GRM7: variants seen among roughly 807,000 people sequenced by gnomAD.
GRM7 encodes glutamate metabotropic receptor 7, also known as metabotropic glutamate receptor 7.
In GRM7, 35 loss-of-function variants were observed where a neutral mutation model predicts 84.5. The observed-to-expected ratio is 0.41, with a 90% confidence interval of 0.32 to 0.55. The LOEUF is 0.55. GRM7 is among the 20% of genes least tolerant of loss of function. The probability of loss-of-function intolerance (pLI) is 0.19; values close to 1 mark genes in which losing one functional copy is unlikely to be tolerated. For missense variants in GRM7, 1,003 were observed against 1,194.6 expected (o/e 0.84, Z 2.36); for synonymous variants, 487 against 455.1 (o/e 1.07, Z -0.89).
chr3:7,581,470 CA>C lies in GRM7; in HGVS notation c.2451+2114del, dbSNP rs751655148. 3.9e-5 allele frequency among the ~76,000 whole-genome samples: 6 copies of C among 152,268 alleles called. No homozygotes were observed. The East Asian group carries it at 1.2e-3, about 29-fold the overall frequency. ...AACAGTAAATTATTACATGAAAATG[CA>C]CATCCACTTATAGGCATATGGCTAG... On this transcript the variant is annotated intron_variant, in intron 8 of 9. Transcript: ENST00000357716.
intron 1 of GRM7, among the ~76,000 whole-genome samples, chr3:6,992,094 G>C (rs2124857610): frequency 6.6e-6 from 1 of 152,346 alleles, no homozygotes; most frequent in African/African-American, 2.4e-5. Flanking sequence ...GAAAGAGAAA[G>C]AGAGGATGAG....
chr3:7,734,537 A>T (rs925859686), intron 9 of GRM7, among the ~76,000 whole-genome samples: 1 of 152,208 alleles, frequency 6.6e-6, no homozygotes, highest in Non-Finnish European at 1.5e-5. Flanking sequence ...AGTCAACAGA[A>T]ATCCAGATTT....
chr3:7,523,386 A>C (rs1032605219), intron 7 of GRM7, among the ~76,000 whole-genome samples: 29 of 152,110 alleles, frequency 1.9e-4, no homozygotes, highest in Non-Finnish European at 3.8e-4. Context: ...TAACAAACGG[A>C]ACCTACAAGA....
At chr3:7,379,813 A>T (rs1246680132) in intron 4 of GRM7, among the ~76,000 whole-genome samples, 2 of 151,996 alleles carry the variant, frequency 1.3e-5, no homozygotes, top group Non-Finnish European at 2.9e-5. Flanking sequence ...CCTTCTTGCC[A>T]TCTGTATTTT....
chr3:7,596,778 A>C (rs1027863677), intron 8 of GRM7, among the ~76,000 whole-genome samples: 3 of 152,112 alleles, frequency 2.0e-5, no homozygotes, highest in Admixed American at 1.3e-4. Flanking sequence ...AGCTTCTGTG[A>C]GCATAATAAA....
rs992033491 is a variant in GRM7, at chr3:7,619,843, A to T, written c.2451+40486A>T. ...CTTTTGTGCCTTCTATTCTAAGTTC[A>T]CCTTCCTCAGTAGTCATGGGATCTG... is the stretch of plus-strand genomic sequence containing the variant. On this transcript the variant is annotated intron_variant, in intron 8 of 9. Coordinates refer to ENST00000357716, the MANE Select transcript of GRM7 (RefSeq NM_000844.4). 2.0e-5 allele frequency among the ~76,000 whole-genome samples: 3 copies of T among 152,242 alleles called. No individual in the cohort carries two copies. The South Asian group carries it at 6.2e-4, about 32-fold the overall frequency.
At chr3:7,377,636 G>A (rs1694408462) in intron 4 of GRM7, among the ~76,000 whole-genome samples, 1 of 152,172 alleles carries the variant, frequency 6.6e-6, no homozygotes, top group South Asian at 2.1e-4. Context: ...GGTGACCTCA[G>A]ATGTTGATAT....
intron 2 of GRM7, among the ~76,000 whole-genome samples, chr3:7,257,695 G>T (rs1272886590): frequency 6.6e-6 from 1 of 152,110 alleles, no homozygotes; most frequent in Non-Finnish European, 1.5e-5. Context: ...AATAATTACT[G>T]CTTTTGCTAC....
intron 7 of GRM7, among the ~76,000 whole-genome samples, chr3:7,506,964 A>G (rs774306473): frequency 2.7e-4 from 41 of 152,090 alleles, no homozygotes; most frequent in Non-Finnish European, 3.5e-4. Flanking sequence ...CACACCTACC[A>G]TCTTTTATCA....
At chr3:7,547,900 T>C (rs1043291853) in intron 7 of GRM7, among the ~76,000 whole-genome samples, 2 of 152,240 alleles carry the variant, frequency 1.3e-5, no homozygotes, top group African/African-American at 4.8e-5. Context: ...TTTCACTAAC[T>C]GGAGATCCTT....
At chr3:7,106,301 T>C (rs1400390364) in intron 1 of GRM7, among the ~76,000 whole-genome samples, 1 of 151,870 alleles carries the variant, frequency 6.6e-6, no homozygotes, top group Non-Finnish European at 1.5e-5. Context: ...CTTTAAGTTC[T>C]AGGGTACATG....
intron 4 of GRM7, among the ~76,000 whole-genome samples, chr3:7,387,135 A>C (rs1449339697): frequency 6.6e-6 from 1 of 151,904 alleles, no homozygotes; most frequent in Non-Finnish European, 1.5e-5. Context: ...TTTAATGGTT[A>C]TTTGTTTTTT....
chr3:7,041,070 A>G (rs146246040), intron 1 of GRM7, among the ~76,000 whole-genome samples: 4,132 of 141,806 alleles, frequency 0.029, 100 homozygotes, highest in Non-Finnish European at 0.046. Context: ...ACAGAGTGAG[A>G]CCCTGTCTCA....
At chr3:7,717,316 A>T (rs1701799098) in intron 9 of GRM7, among the ~76,000 whole-genome samples, 1 of 152,170 alleles carries the variant, frequency 6.6e-6, no homozygotes, top group African/African-American at 2.4e-5. Context: ...AGTAGACAGA[A>T]CCACAGCACA....
intron 1 of GRM7, among the ~76,000 whole-genome samples, chr3:7,043,266 G>T (rs1696695211): frequency 6.6e-6 from 1 of 152,168 alleles, no homozygotes; most frequent in African/African-American, 2.4e-5. Flanking sequence ...AAAATCTTCA[G>T]AGTTCTCTCT....
intron 4 of GRM7, among the ~76,000 whole-genome samples, chr3:7,353,381 G>A (rs890403718): frequency 9.2e-5 from 14 of 152,080 alleles, no homozygotes; most frequent in African/African-American, 3.1e-4. Context: ...CAGGCTAAAT[G>A]TATTGATATG....
chr3:7,520,133 C>T (rs1428591773), intron 7 of GRM7: 2 of 152,112 alleles, frequency 1.3e-5, no homozygotes, highest in African/African-American at 4.8e-5. Context: ...TATCCCCCAC[C>T]CAGATCAAAG....
intron 4 of GRM7, among the ~76,000 whole-genome samples, chr3:7,373,898 T>A (rs1244323093): frequency 6.6e-6 from 1 of 152,230 alleles, no homozygotes; most frequent in Non-Finnish European, 1.5e-5. Flanking sequence ...ATAGAGGAAC[T>A]GCATTTTTAT....
intron 1 of GRM7, among the ~76,000 whole-genome samples, chr3:7,050,882 C>T (rs752535000): frequency 5.3e-5 from 8 of 151,760 alleles, no homozygotes; most frequent in Non-Finnish European, 1.2e-4. Flanking sequence ...AATTAGATGC[C>T]AGTTGAATGA....
Sources: gnomAD v4.1 joint callset for allele counts (sites outside exome capture counted in the v4.1 genomes callset) on GRCh38, gnomAD v4.1.1 for gene constraint, MANE v1.5 for transcripts, NCBI Gene and HGNC (gene_info 2026-07-23, HGNC 2026-07-21) for gene names.